TTC12: variants seen among roughly 807,000 people sequenced by gnomAD.
The protein encoded by TTC12 is tetratricopeptide repeat protein 12.
A neutral mutation model predicts 90.1 loss-of-function variants in TTC12; 70 were observed. The ratio of observed to expected loss-of-function variants is 0.78; its 90% confidence interval spans 0.64 to 0.95. TTC12 has a LOEUF of 0.95. Among genes scored for constraint, TTC12 ranks in the 40% least tolerant of loss-of-function variants. The probability of loss-of-function intolerance (pLI) is 0.00; values close to 1 mark genes in which losing one functional copy is unlikely to be tolerated. For synonymous variants in TTC12, 296 were observed against 311.5 expected, an observed-to-expected ratio of 0.95 and a Z score of 0.53; for missense variants, 819 against 846.1, an observed-to-expected ratio of 0.97 and a Z score of 0.40.
rs719802 is a variant in TTC12, at chr11:113,363,957, T to C, written c.1816+30T>C. 895,935 of 1,509,252 alleles carry C rather than the reference T, an allele frequency of 0.59. 269,872 individuals carry two copies. Among genetic ancestry groups the C allele is most frequent in the Non-Finnish European group, 0.62 (670,843 of 1,087,920 alleles). 93.5% of individuals were successfully genotyped at this position (1,509,252 alleles called of 1,614,324 possible). A position where few individuals can be genotyped will look rare whatever the true frequency, so the allele number is the denominator to read the frequency against. Reference sequence around the variant, plus strand: ...GTGATGATTTCCTTAAGGGAGCCCTTGTCCCAGAGGTTCATCCACCCTTGA... The same window carrying C: ...GTGATGATTTCCTTAAGGGAGCCCTCGTCCCAGAGGTTCATCCACCCTTGA... On this transcript the variant is annotated intron_variant, in intron 20 of 21. Transcript: ENST00000529221.
At chr11:113,355,328 G>A (rs1166438852) in intron 16 of TTC12, among the ~76,000 whole-genome samples, 1 of 152,078 alleles carries the variant, frequency 6.6e-6, no homozygotes, top group Admixed American at 6.6e-5. Context: ...TTCTGATTGT[G>A]TCTATTTGCA....
downstream of TTC12, among the ~76,000 whole-genome samples, chr11:113,371,266 T>C (rs1010905094): frequency 6.6e-6 from 1 of 152,244 alleles, no homozygotes; most frequent in Non-Finnish European, 1.5e-5. Flanking sequence ...GCATATAACC[T>C]ACATACATTC....
At chr11:113,357,881 G>A (rs1376291997) in intron 16 of TTC12, among the ~76,000 whole-genome samples, 1 of 152,216 alleles carries the variant, frequency 6.6e-6, no homozygotes, top group African/African-American at 2.4e-5. Context: ...TTCATAATGT[G>A]GTGACAATGG....
chr11:113,320,917 C>A (rs1050606586), intron 2 of TTC12, among the ~76,000 whole-genome samples: 3 of 152,112 alleles, frequency 2.0e-5, no homozygotes, highest in African/African-American at 7.2e-5. Flanking sequence ...GTGGTGTGTG[C>A]CTGTAGTCTT....
At chr11:113,367,534 G>A (rs554601511), downstream of TTC12, among the ~76,000 whole-genome samples, 19 of 152,364 alleles carry the variant, frequency 1.2e-4, no homozygotes, top group Non-Finnish European at 2.1e-4. Flanking sequence ...GGGAAAGGAT[G>A]AAGCTCATGT....
intron 8 of TTC12, among the ~76,000 whole-genome samples, chr11:113,338,470 C>G (rs1948498468): frequency 6.6e-6 from 1 of 152,174 alleles, no homozygotes; most frequent in African/African-American, 2.4e-5. Flanking sequence ...TTTGCGTTTA[C>G]TTTATGATTA....
chr11:113,315,625 TA>T (rs1946887658), intron 1 of TTC12, among the ~76,000 whole-genome samples: 1 of 152,194 alleles, frequency 6.6e-6, no homozygotes, highest in Non-Finnish European at 1.5e-5. Flanking sequence ...TACTGCTGGG[TA>T]CACCACGGGG....
intron 13 of TTC12, among the ~76,000 whole-genome samples, chr11:113,349,819 C>G (rs1333797588): frequency 6.6e-6 from 1 of 152,048 alleles, no homozygotes; most frequent in African/African-American, 2.4e-5. Context: ...AGCTGGCGTC[C>G]GATAATCAAT....
At chr11:113,360,402 T>C (rs1454454828) in intron 18 of TTC12, among the ~76,000 whole-genome samples, 1 of 151,334 alleles carries the variant, frequency 6.6e-6, no homozygotes, top group Non-Finnish European at 1.5e-5. Context: ...ATCCCTTTTT[T>C]CCATAAGAAA....
At position 113,358,484 on chromosome 11, in the gene TTC12, T is replaced by A. The variant is rs1555153280; in HGVS notation, c.1447-879T>A. On this transcript the variant is annotated intron_variant, in intron 16 of 21. Coordinates refer to ENST00000529221, the MANE Select transcript of TTC12 (RefSeq NM_017868.4). ...GACTGCTCAGCAAGCAGGTGTGGCC[T>A]GGCTGGGGCCCCAGGAGAGGCCAGC... is the stretch of plus-strand genomic sequence containing the variant. Among the ~76,000 whole-genome samples the A allele has an allele frequency of 2.1e-4, 32 of 152,248 alleles. 1 individual carries two copies. Among genetic ancestry groups the A allele is most frequent in the Admixed American group, 2.0e-3 (30 of 15,300 alleles).
In TTC12 at chr11:113,362,395, A is replaced by G. The variant is rs782168646; in HGVS notation, c.1615-6A>G. The G allele has an allele frequency of 1.2e-6, 2 of 1,605,982 alleles. No homozygotes were observed. Among genetic ancestry groups the G allele is most frequent in the Admixed American group, 1.7e-5 (1 of 59,986 alleles). ...CATTTAATTATCCTCTTTCTGCTGT[A>G]CTCAGAGAGCTGCTGGTGTTCTGAG... On this transcript the variant is annotated splice_polypyrimidine_tract_variant and splice_region_variant and intron_variant, in intron 18 of 21. Coordinates refer to ENST00000529221, the MANE Select transcript of TTC12 (RefSeq NM_017868.4).
At chr11:113,341,230 A>C (rs1340444017) in intron 11 of TTC12, among the ~76,000 whole-genome samples, 1 of 152,130 alleles carries the variant, frequency 6.6e-6, no homozygotes, top group African/African-American at 2.4e-5. Context: ...ATTCAGTCTC[A>C]AAAAAAGGAA....
chr11:113,339,312 G>T lies in TTC12; in HGVS notation c.664G>T (p.Glu222Ter), dbSNP rs782680646. Residue 222 changes from glutamate to a stop codon, truncating the protein, a stop_gained, in exon 10 of 22, where the codon GAA (glutamate) becomes TAA (stop). Transcript: ENST00000529221. LOFTEE classifies it high-confidence loss of function. The stretch of plus-strand genomic sequence containing the variant: ...TTACCTGAATCAAGTAGATCTTCAG[G>T]AAAAAGCAGACCTTCAAGAAAAGGA... ...KGYLNQVDLQEKADLQEKEAH... is the reference protein window; with the variant it reads ...KGYLNQVDLQ 1 of 1,607,868 alleles carries T rather than the reference G, an allele frequency of 6.2e-7. No homozygotes were observed. The highest frequency in any genetic ancestry group is 1.1e-5 in the South Asian group (1 of 90,742).
At chr11:113,344,695 C>T (rs1490288796) in intron 13 of TTC12, among the ~76,000 whole-genome samples, 4 of 152,180 alleles carry the variant, frequency 2.6e-5, no homozygotes, top group South Asian at 4.1e-4. Flanking sequence ...GCAGTGCTTC[C>T]GTAGCCAGAT....
intron 16 of TTC12, among the ~76,000 whole-genome samples, chr11:113,356,272 TTC>T (rs1327278172): frequency 2.6e-5 from 4 of 152,220 alleles, no homozygotes; most frequent in African/African-American, 9.6e-5. Context: ...CCTGCTTTTT[TTC>T]TGTTTTCCAT....
At chr11:113,331,350 G>T (rs1948051295) in intron 7 of TTC12, among the ~76,000 whole-genome samples, 1 of 152,102 alleles carries the variant, frequency 6.6e-6, no homozygotes, top group Admixed American at 6.6e-5. Context: ...GTTTTCCTTG[G>T]TTTTTCCAGT....
intron 19 of TTC12, 41 bp from the exon 20 acceptor site, chr11:113,363,787 T>C (rs184934777): frequency 5.0e-6 from 7 of 1,396,110 alleles, no homozygotes; most frequent in East Asian, 4.6e-5. Flanking sequence ...AGAGCAATCA[T>C]AGCACTGATT....
At chr11:113,361,622 C>G (rs1555155065) in intron 18 of TTC12, among the ~76,000 whole-genome samples, 1 of 152,226 alleles carries the variant, frequency 6.6e-6, no homozygotes, top group Non-Finnish European at 1.5e-5. Context: ...CTCTAAAGAA[C>G]TGAAAAACTG....
intron 12 of TTC12, among the ~76,000 whole-genome samples, chr11:113,342,878 G>A (rs1555146645): frequency 6.6e-6 from 1 of 152,164 alleles, no homozygotes; most frequent in Non-Finnish European, 1.5e-5. Flanking sequence ...CTACAGGAGG[G>A]CGAGGAAGGC....
Sources: allele counts gnomAD v4.1 joint callset (sites outside exome capture counted in the v4.1 genomes callset), GRCh38; gene constraint gnomAD v4.1.1; transcripts MANE v1.5; gene names NCBI Gene and HGNC (gene_info 2026-07-23, HGNC 2026-07-21).